Variants in POMGNT2 observed in about 807,000 individuals in gnomAD.
POMGNT2 encodes protein O-linked-mannose beta-1,4-N-acetylglucosaminyltransferase 2.
In POMGNT2, 32 loss-of-function variants were observed where a neutral mutation model predicts 37.8. The ratio of observed to expected loss-of-function variants is 0.85; its 90% CI spans 0.64 to 1.14. The LOEUF (loss-of-function observed/expected upper bound fraction) is 1.14, where lower values mean the gene tolerates loss of function less well. POMGNT2 is among the 50% of genes most tolerant of loss of function. The probability of loss-of-function intolerance (pLI) is 0.00; values close to 1 mark genes in which losing one functional copy is unlikely to be tolerated. For synonymous variants in POMGNT2, 340 were observed against 336.8 expected, an observed-to-expected ratio of 1.01 and a Z score of -0.10; for missense variants, 705 against 780.6, an observed-to-expected ratio of 0.90 and a Z score of 1.15.
Position 43,080,670 on chromosome 3 carries a change from C to A in POMGNT2, c.762G>T (p.Lys254Asn), listed in dbSNP as rs115870061. The change falls in exon 2 of 2, where the codon AAG becomes AAT. Residue 254 changes from lysine (K) to asparagine (N), a missense_variant. Coordinates refer to ENST00000344697, the MANE Select transcript of POMGNT2 (RefSeq NM_032806.6). ...CATTGCCTGAGACGAGGATGTTGGC[C>A]TTCGGGCCCTGGGGCTGCACAAAGC... is the stretch of plus-strand genomic sequence containing the variant. ...QYGFVQPQGP[K>N]ANILVSGNEI... The A allele has an allele frequency of 1.2e-6, 2 of 1,614,206 alleles. No homozygotes were observed. The highest frequency in any genetic ancestry group is 1.7e-6 in the Non-Finnish European group (2 of 1,180,048).
At chr3:43,085,224 C>T (rs1028881895) in intron 1 of POMGNT2, among the ~76,000 whole-genome samples, 4 of 152,090 alleles carry the variant, frequency 2.6e-5, no homozygotes, top group Non-Finnish European at 2.9e-5. Context: ...TACTACTAGG[C>T]GGTCGTGAAA....
At chr3:43,084,890 G>A (rs1430314376) in intron 1 of POMGNT2, among the ~76,000 whole-genome samples, 2 of 149,404 alleles carry the variant, frequency 1.3e-5, no homozygotes, top group Non-Finnish European at 3.0e-5. Context: ...CTTTTTTTTT[G>A]CTAAAACTTA....
chr3:43,100,158 A>G (rs1401227614), intron 1 of POMGNT2, among the ~76,000 whole-genome samples: 3 of 150,670 alleles, frequency 2.0e-5, no homozygotes, highest in African/African-American at 7.5e-5. Flanking sequence ...ATCTTTGTTT[A>G]ATCATTCTCT....
intron 1 of POMGNT2, among the ~76,000 whole-genome samples, chr3:43,103,055 T>C (rs1018487115): frequency 2.0e-5 from 3 of 152,126 alleles, no homozygotes; most frequent in South Asian, 2.1e-4. Flanking sequence ...CTAAGTAACA[T>C]ACTAGTGTGA....
At position 43,080,473 on chromosome 3, in the gene POMGNT2, G is replaced by C; in HGVS notation, c.959C>G (p.Thr320Arg). The C allele has an allele frequency of 6.2e-7, 1 of 1,614,170 alleles. No individual in the cohort carries two copies. The highest frequency in any genetic ancestry group is 8.5e-7 in the Non-Finnish European group (1 of 1,180,032). ...AAAGGTGTGGTCCTCCAGGGACACT[G>C]TCACTGTCTTCATCTGGAACTCCTG... is the stretch of plus-strand genomic sequence containing the variant. ...LAQEFQMKTVTVSLEDHTFAD... is the reference protein window; with the variant it reads ...LAQEFQMKTVRVSLEDHTFAD... The change falls in exon 2 of 2, where the codon ACA becomes AGA. Residue 320 changes from threonine to arginine, a missense_variant. Transcript: ENST00000344697.
chr3:43,093,430 T>C (rs2089958419), intron 1 of POMGNT2, among the ~76,000 whole-genome samples: 1 of 152,152 alleles, frequency 6.6e-6, no homozygotes, highest in Non-Finnish European at 1.5e-5. Context: ...CAGAATAGTG[T>C]TGATGGAAGG....
chr3:43,093,394 C>T (rs1250674566), intron 1 of POMGNT2, among the ~76,000 whole-genome samples: 1 of 152,224 alleles, frequency 6.6e-6, no homozygotes, highest in Non-Finnish European at 1.5e-5. Flanking sequence ...CAACTCCATC[C>T]TCCTATCCCC....
In POMGNT2 at chr3:43,081,377, G is replaced by A. The variant is rs1425676580; in HGVS notation, c.55C>T (p.Leu19=). ...TCACGCAGCCGCACATGCTTCCACAGGACCGCTGCCAGCACCGACACCAGG... is the reference window on the plus strand; with the variant it reads ...TCACGCAGCCGCACATGCTTCCACAAGACCGCTGCCAGCACCGACACCAGG... ...ALLVSVLAAV[L]WKHVRLREHA... is the part of the protein sequence containing the mutation. Residue 19 remains leucine (L), a synonymous_variant, in exon 2 of 2, where the codon CTG becomes TTG. Coordinates refer to ENST00000344697, the MANE Select transcript of POMGNT2 (RefSeq NM_032806.6). 5.0e-6 allele frequency: 8 copies of A among 1,606,140 alleles called. No homozygotes were observed. Among genetic ancestry groups the A allele is most frequent in the African/African-American group, 1.3e-5 (1 of 74,876 alleles).
chr3:43,097,484 A>T (rs1220357525), intron 1 of POMGNT2, among the ~76,000 whole-genome samples: 2 of 150,676 alleles, frequency 1.3e-5, no homozygotes, highest in African/African-American at 4.9e-5. Flanking sequence ...GGGAGGGAGG[A>T]GAGGGGCAGG....
chr3:43,100,870 C>T (rs1016016034), intron 1 of POMGNT2, among the ~76,000 whole-genome samples: 11 of 152,136 alleles, frequency 7.2e-5, no homozygotes, highest in Non-Finnish European at 1.0e-4. Flanking sequence ...TATGCATTTT[C>T]GTGAGGAATT....
intron 1 of POMGNT2, among the ~76,000 whole-genome samples, chr3:43,097,379 C>A (rs1163189575): frequency 6.6e-6 from 1 of 152,016 alleles, no homozygotes; most frequent in Admixed American, 6.6e-5. Flanking sequence ...AGACTGAGTG[C>A]CTTAAATGAC....
At position 43,079,693 on chromosome 3, in the gene POMGNT2, G is replaced by A. The variant is rs367621319; in HGVS notation, c.1739C>T (p.Thr580Met). 2.9e-5 allele frequency: 47 copies of A among 1,611,656 alleles called. No individual in the cohort carries two copies. The highest frequency in any genetic ancestry group is 1.6e-4 in the Middle Eastern group (1 of 6,072). ...GGCCAGGCTGTGGCCTGCTCGCTAC[G>A]TGTTGCACACCAGCACATCTGCAAA... ...GPFADVLVCN[T>M] is the part of the protein sequence containing the mutation. Residue 580 changes from threonine (T) to methionine (M), a missense_variant, in exon 2 of 2, where the codon ACG becomes ATG. By Grantham distance (81) the Thr-to-Met change is moderately conservative. Coordinates refer to ENST00000344697, the MANE Select transcript of POMGNT2 (RefSeq NM_032806.6).
intron 1 of POMGNT2, among the ~76,000 whole-genome samples, chr3:43,092,603 C>T (rs1181861441): frequency 6.6e-6 from 1 of 152,186 alleles, no homozygotes; most frequent in Non-Finnish European, 1.5e-5. Flanking sequence ...CAGCTGAGAA[C>T]ATGAGTCTCT....
chr3:43,103,934 C>T (rs534965251), intron 1 of POMGNT2, among the ~76,000 whole-genome samples: 45 of 152,288 alleles, frequency 3.0e-4, no homozygotes, highest in African/African-American at 1.1e-3. Flanking sequence ...AACACCATGT[C>T]TGACAATTAT....
chr3:43,103,936 G>A (rs1326364942), intron 1 of POMGNT2, among the ~76,000 whole-genome samples: 1 of 152,106 alleles, frequency 6.6e-6, no homozygotes, highest in Non-Finnish European at 1.5e-5. Flanking sequence ...CACCATGTCT[G>A]ACAATTATTT....
At chr3:43,105,260 G>A (rs924293768) in intron 1 of POMGNT2, among the ~76,000 whole-genome samples, 2 of 152,216 alleles carry the variant, frequency 1.3e-5, no homozygotes, top group Non-Finnish European at 2.9e-5. Flanking sequence ...TCCTTCTTCA[G>A]AGGCTACTCT....
chr3:43,084,955 T>A (rs1034638339), intron 1 of POMGNT2, among the ~76,000 whole-genome samples: 1 of 152,130 alleles, frequency 6.6e-6, no homozygotes, highest in African/African-American at 2.4e-5. Flanking sequence ...TTAAATCTTC[T>A]ATTTTAGTAG....
intron 1 of POMGNT2, among the ~76,000 whole-genome samples, chr3:43,094,428 T>G (rs2089965005): frequency 6.6e-6 from 1 of 152,240 alleles, no homozygotes; most frequent in Non-Finnish European, 1.5e-5. Context: ...CAATTTTCAC[T>G]GCTGTGGGGC....
chr3:43,079,703 C>G lies in POMGNT2; in HGVS notation c.1729G>C (p.Val577Leu). The G allele has an allele frequency of 1.2e-6, 2 of 1,612,980 alleles. No individual in the cohort carries two copies. The highest frequency in any genetic ancestry group is 1.7e-6 in the Non-Finnish European group (2 of 1,179,410). ...TGGCCTGCTCGCTACGTGTTGCACA[C>G]CAGCACATCTGCAAAGGGTCCCAGG... is the stretch of plus-strand genomic sequence containing the variant. Reference protein sequence around the residue: ...ILLGPFADVLVCNT With the variant: ...ILLGPFADVLLCNT The change falls in exon 2 of 2, where the codon GTG becomes CTG. Residue 577 changes from valine (V) to leucine (L), a missense_variant. Transcript: ENST00000344697.
Sources: gnomAD v4.1 joint callset for allele counts (sites outside exome capture counted in the v4.1 genomes callset) on GRCh38, gnomAD v4.1.1 for gene constraint, MANE v1.5 for transcripts, NCBI Gene and HGNC (gene_info 2026-07-23, HGNC 2026-07-21) for gene names.